Variants in MACROD2 observed in about 807,000 individuals in gnomAD.
MACROD2 encodes mono-ADP ribosylhydrolase 2.
A neutral mutation model predicts 70.4 loss-of-function variants in MACROD2; 36 were observed. The observed-to-expected ratio is 0.51, with a 90% CI of 0.39 to 0.68. MACROD2 has a LOEUF of 0.68. MACROD2 is among the 30% of genes least tolerant of loss of function. The pLI is 0.00. For missense variants in MACROD2, 496 were observed against 538.4 expected, an observed-to-expected ratio of 0.92 and a Z score of 0.78; for synonymous variants, 172 against 178.8, an observed-to-expected ratio of 0.96 and a Z score of 0.30.
chr20:15,461,006 A>ATATATATATATTTTTTTTTTTT, intron 7 of MACROD2, among the ~76,000 whole-genome samples: 4 of 67,014 alleles, frequency 6.0e-5, no homozygotes, highest in Non-Finnish European at 9.8e-5. Context: ...ATATATATAT[A>ATATATATATATTTTTTTTTTTT]TTTTTTTTTA....
intron 5 of MACROD2, among the ~76,000 whole-genome samples, chr20:14,930,546 C>T (rs1216250897): frequency 5.3e-5 from 8 of 152,064 alleles, no homozygotes; most frequent in African/African-American, 1.9e-4. Context: ...TAGTATGTCA[C>T]AGGCACCTAA....
chr20:14,288,425 AT>A (rs1601438675), intron 3 of MACROD2, among the ~76,000 whole-genome samples: 1 of 152,070 alleles, frequency 6.6e-6, no homozygotes, highest in East Asian at 1.9e-4. Flanking sequence ...ATAAACTTTT[AT>A]TTTGCTTAAG....
At position 14,604,747 on chromosome 20, in the gene MACROD2, CCTT is replaced by C. The variant is rs559125940; in HGVS notation, c.302-80091_302-80089del. ...AAATTTTAGGGAGCAAGACCAGAGT[CCTT>C]CTTCCAGGAGGATCAGGGAACTCAG... On this transcript the variant is annotated intron_variant, in intron 4 of 17. Transcript: ENST00000684519. 2.0e-3 allele frequency among the ~76,000 whole-genome samples: 306 copies of C among 152,250 alleles called. 2 individuals are homozygous for C. Among genetic ancestry groups the C allele is most frequent in the African/African-American group, 7.1e-3 (293 of 41,550 alleles).
At chr20:15,106,700 CTG>C (rs2075913521) in intron 5 of MACROD2, among the ~76,000 whole-genome samples, 1 of 152,088 alleles carries the variant, frequency 6.6e-6, no homozygotes, top group Non-Finnish European at 1.5e-5. Context: ...GATATGTCTT[CTG>C]GATAGTGCTG....
intron 4 of MACROD2, among the ~76,000 whole-genome samples, chr20:14,577,794 A>AAAGAGAAAAGAAGAGAAGAG (rs1980698635): frequency 7.3e-6 from 1 of 137,728 alleles, no homozygotes; most frequent in Admixed American, 7.6e-5. Flanking sequence ...AAAGAAAAGG[A>AAAGAGAAAAGAAGAGAAGAG]AAGAGAAGAG....
chr20:15,602,560 G>C (rs1395348597), intron 8 of MACROD2, among the ~76,000 whole-genome samples: 1 of 152,184 alleles, frequency 6.6e-6, no homozygotes, highest in East Asian at 1.9e-4. Flanking sequence ...AACACACAGA[G>C]ACCTAGTGAG....
chr20:14,340,494 A>G (rs988797068), intron 3 of MACROD2, among the ~76,000 whole-genome samples: 1 of 152,100 alleles, frequency 6.6e-6, no homozygotes, highest in African/African-American at 2.4e-5. Flanking sequence ...CCAATAACAG[A>G]TTTTTGGAAT....
intron 9 of MACROD2, among the ~76,000 whole-genome samples, chr20:15,879,241 C>A (rs969984314): frequency 6.6e-6 from 1 of 152,114 alleles, no homozygotes; most frequent in Non-Finnish European, 1.5e-5. Flanking sequence ...TTTAAAAGGG[C>A]TGCAACTCTG....
intron 8 of MACROD2, among the ~76,000 whole-genome samples, chr20:15,649,066 TCCTCCCCTCCCCTTCCCTCCCCTTC>T (rs2049597361): frequency 3.1e-5 from 4 of 128,744 alleles, no homozygotes; most frequent in East Asian, 2.5e-4. Context: ...TTTTCTTTTC[TCCTCCCCTCCCCTTCCCTCCCCTTC>T]CCTCCCCTCC....
At chr20:14,126,087 T>A (rs1032580785) in intron 3 of MACROD2, among the ~76,000 whole-genome samples, 1 of 152,192 alleles carries the variant, frequency 6.6e-6, no homozygotes, top group Non-Finnish European at 1.5e-5. Flanking sequence ...TAGTTTACTA[T>A]AGCTGCCACA....
At chr20:14,039,777 C>T (rs1318694617) in intron 2 of MACROD2, among the ~76,000 whole-genome samples, 1 of 149,428 alleles carries the variant, frequency 6.7e-6, no homozygotes, top group African/African-American at 2.4e-5. Flanking sequence ...ATTCTAAATA[C>T]TGAGCTTAGG....
chr20:14,304,316 C>T (rs2082501418), intron 3 of MACROD2, among the ~76,000 whole-genome samples: 1 of 152,140 alleles, frequency 6.6e-6, no homozygotes, highest in Non-Finnish European at 1.5e-5. Flanking sequence ...ACTGCTTCCT[C>T]CCTTGATGTG....
intron 3 of MACROD2, among the ~76,000 whole-genome samples, chr20:14,461,000 G>A (rs942269297): frequency 9.9e-5 from 15 of 151,828 alleles, no homozygotes; most frequent in African/African-American, 3.6e-4. Context: ...AGAGGGAATG[G>A]TACCAGCTCC....
intron 10 of MACROD2, among the ~76,000 whole-genome samples, chr20:15,894,228 C>T (rs1011305241): frequency 9.2e-5 from 14 of 152,166 alleles, no homozygotes; most frequent in African/African-American, 3.1e-4. Flanking sequence ...TAAGTAATGA[C>T]GCTGCTTTTT....
chr20:15,744,698 ACACACACACACAC>A (rs2051154644), intron 8 of MACROD2, among the ~76,000 whole-genome samples: 1 of 13,688 alleles, frequency 7.3e-5, no homozygotes, highest in Non-Finnish European at 1.1e-4. Flanking sequence ...AAGTATACAC[ACACACACACACAC>A]ACACACACAC....
chr20:15,561,577 G>A (rs886772436), intron 8 of MACROD2, among the ~76,000 whole-genome samples: 1 of 151,860 alleles, frequency 6.6e-6, no homozygotes, highest in Non-Finnish European at 1.5e-5. Context: ...CCTTCAGTAG[G>A]GTATTTTCCT....
intron 4 of MACROD2, among the ~76,000 whole-genome samples, chr20:14,598,593 G>T (rs1982290654): frequency 6.6e-6 from 1 of 152,036 alleles, no homozygotes; most frequent in Non-Finnish European, 1.5e-5. Flanking sequence ...TTTCTCTTAG[G>T]AAACTAAGTA....
At chr20:15,747,368 G>T (rs944298899) in intron 8 of MACROD2, among the ~76,000 whole-genome samples, 1 of 152,096 alleles carries the variant, frequency 6.6e-6, no homozygotes, top group Non-Finnish European at 1.5e-5. Context: ...CCCTGCTGAG[G>T]CCTCTCAGGT....
At chr20:15,208,597 T>C (rs1301829207) in intron 5 of MACROD2, among the ~76,000 whole-genome samples, 1 of 152,332 alleles carries the variant, frequency 6.6e-6, no homozygotes, top group East Asian at 1.9e-4. Flanking sequence ...TCATTACAAC[T>C]GCCATGTTGT....
Sources: allele counts gnomAD v4.1 joint callset (sites outside exome capture counted in the v4.1 genomes callset), GRCh38; gene constraint gnomAD v4.1.1; transcripts MANE v1.5; gene names NCBI Gene and HGNC (gene_info 2026-07-23, HGNC 2026-07-21).